AP3B1: variants seen among roughly 807,000 people sequenced by gnomAD.
The protein encoded by AP3B1 is AP-3 complex subunit beta-1.
A neutral mutation model predicts 132.5 loss-of-function variants in AP3B1; 61 were observed. The observed-to-expected ratio is 0.46, with a 90% CI of 0.37 to 0.57. The LOEUF is 0.57. Among genes scored for constraint, AP3B1 ranks in the 20% least tolerant of loss-of-function variants. The pLI is 0.00. For missense variants in AP3B1, 1,120 were observed against 1,289.4 expected, an observed-to-expected ratio of 0.87 and a Z score of 2.01; for synonymous variants, 388 against 438.3, an observed-to-expected ratio of 0.89 and a Z score of 1.43.
chr5:78,097,547 G>A (rs4704482), intron 21 of AP3B1, among the ~76,000 whole-genome samples: 5,079 of 95,556 alleles, frequency 0.053, 483 homozygotes, highest in Non-Finnish European at 0.087. Flanking sequence ...CGCCCCGTCC[G>A]GGAGGGAGGT....
chr5:78,147,928 G>A (rs1753482147), intron 14 of AP3B1, among the ~76,000 whole-genome samples: 1 of 151,996 alleles, frequency 6.6e-6, no homozygotes, highest in African/African-American at 2.4e-5. Flanking sequence ...CAACTACTCA[G>A]AGGCTGAGGC....
intron 22 of AP3B1, among the ~76,000 whole-genome samples, chr5:78,066,689 T>C (rs776569901): frequency 6.6e-6 from 1 of 151,892 alleles, no homozygotes; most frequent in Non-Finnish European, 1.5e-5. Context: ...AACCTATGAA[T>C]GATTGGGGTA....
chr5:78,244,844 A>G (rs529894339), intron 2 of AP3B1, among the ~76,000 whole-genome samples: 1 of 152,102 alleles, frequency 6.6e-6, no homozygotes, highest in South Asian at 2.1e-4. Flanking sequence ...AAAATACAAA[A>G]ATTAGCTGGG....
rs565148932 is a variant in AP3B1, at chr5:78,257,267, A to C, written c.204+10253T>G. Among the ~76,000 whole-genome samples, 4 of 152,320 alleles carry C rather than the reference A, an allele frequency of 2.6e-5. No homozygotes were observed. In the East Asian group the frequency reaches 7.7e-4, roughly 29 times the overall value. ...AGATGATACAATCTTATATTGGGGA[A>C]AACCTAAAGACTCCACCACAAAACT... On this transcript the variant is annotated intron_variant, in intron 2 of 26. Transcript: ENST00000255194.
At chr5:78,076,178 T>TA (rs915957021) in intron 22 of AP3B1, among the ~76,000 whole-genome samples, 1 of 152,182 alleles carries the variant, frequency 6.6e-6, no homozygotes, top group African/African-American at 2.4e-5. Context: ...GCAAAACTGT[T>TA]ACAAAAAGGA....
At chr5:78,247,298 A>G (rs369559286) in intron 2 of AP3B1, among the ~76,000 whole-genome samples, 15 of 148,700 alleles carry the variant, frequency 1.0e-4, no homozygotes, top group East Asian at 5.8e-4. Context: ...ATAGATAATA[A>G]TATAGATAAT....
chr5:78,204,254 T>A (rs1580482071), intron 7 of AP3B1, among the ~76,000 whole-genome samples: 1 of 152,224 alleles, frequency 6.6e-6, no homozygotes, highest in South Asian at 2.1e-4. Flanking sequence ...GGTTTTTGTT[T>A]GTTTGTTTAC....
intron 21 of AP3B1, among the ~76,000 whole-genome samples, chr5:78,099,888 C>T (rs150840807): frequency 7.8e-4 from 118 of 151,492 alleles, no homozygotes; most frequent in African/African-American, 2.5e-3. Context: ...GATTCCGTCT[C>T]GGGGGGCGGG....
chr5:78,294,325 T>A lies in AP3B1; in HGVS notation c.128+127A>T, dbSNP rs1348412579. On this transcript the variant is annotated intron_variant, in intron 1 of 26. Transcript: ENST00000255194. ...CCCACCTACCCACCCGCGGGACACG[T>A]TACCGCCCTGCCCTGCTCAGACCTC... 4 of 1,404,804 alleles carry A rather than the reference T, an allele frequency of 2.8e-6. No individual in the cohort carries two copies. In the East Asian group the frequency reaches 7.1e-5, roughly 25 times the overall value. The allele number at this position is 1,404,804 out of a possible 1,614,324, so 87.0% of individuals were successfully genotyped here.
rs181558953 is a variant in AP3B1, at chr5:78,230,350, C to T, written c.280-2111G>A. Among the ~76,000 whole-genome samples, 617 of 152,254 alleles carry T rather than the reference C, an allele frequency of 4.1e-3. 8 individuals are homozygous for T. Among genetic ancestry groups the T allele is most frequent in the African/African-American group, 0.014 (591 of 41,556 alleles). ...TACAAATGAAAACTTAATGAGCAAA[C>T]AAACTTTGTACATCTTCATCATTGA... On this transcript the variant is annotated intron_variant, in intron 3 of 26. Coordinates refer to ENST00000255194, the MANE Select transcript of AP3B1 (RefSeq NM_003664.5).
intron 1 of AP3B1, among the ~76,000 whole-genome samples, chr5:78,278,535 C>G (rs1318279061): frequency 1.9e-5 from 2 of 106,824 alleles, no homozygotes; most frequent in Non-Finnish European, 3.8e-5. Flanking sequence ...GGAGGCGGAG[C>G]TTGCAGTGAG....
intron 1 of AP3B1, among the ~76,000 whole-genome samples, chr5:78,286,878 C>T (rs185083477): frequency 3.3e-5 from 5 of 152,244 alleles, no homozygotes; most frequent in East Asian, 1.9e-4. Flanking sequence ...CACGAACCAA[C>T]GTTATTCATA....
At chr5:78,204,385 C>T (rs1001143611) in intron 7 of AP3B1, among the ~76,000 whole-genome samples, 2 of 152,180 alleles carry the variant, frequency 1.3e-5, no homozygotes, top group Admixed American at 6.6e-5. Context: ...TAAAAATTTG[C>T]CTTAGCCATC....
At position 78,092,197 on chromosome 5, in the gene AP3B1, A is replaced by AAAAACT. The variant is rs1750548216; in HGVS notation, c.2471-2699_2471-2698insAGTTTT. Among the ~76,000 whole-genome samples, 7 of 152,370 alleles carry AAAAACT rather than the reference A, an allele frequency of 4.6e-5. No homozygotes were observed. In the South Asian group the frequency reaches 1.0e-3, roughly 23 times the overall value. On this transcript the variant is annotated intron_variant, in intron 21 of 26. Transcript: ENST00000255194. ...CATGTAACGAATAAAAAACTGAATAAGAAACAGCCTCTGATTTCAACTGTG... is the reference window on the plus strand; with the variant it reads ...CATGTAACGAATAAAAAACTGAATAAAAAACTGAAACAGCCTCTGATTTCAACTGTG...
intron 7 of AP3B1, among the ~76,000 whole-genome samples, chr5:78,185,845 G>T (rs1003943983): frequency 6.6e-6 from 1 of 152,122 alleles, no homozygotes; most frequent in South Asian, 2.1e-4. Context: ...GCTCCAGCCT[G>T]GGTGACAGAG....
intron 22 of AP3B1, among the ~76,000 whole-genome samples, chr5:78,085,764 C>T (rs773187436): frequency 1.3e-5 from 2 of 152,022 alleles, no homozygotes; most frequent in Non-Finnish European, 2.9e-5. Context: ...CCATGGTGAA[C>T]GTGACATTTC....
intron 17 of AP3B1, among the ~76,000 whole-genome samples, chr5:78,125,857 G>A (rs1204221138): frequency 6.6e-6 from 1 of 152,154 alleles, no homozygotes; most frequent in African/African-American, 2.4e-5. Context: ...CTATAAGGTA[G>A]TTAATGCTTA....
At chr5:78,184,349 C>T (rs925429162) in intron 7 of AP3B1, among the ~76,000 whole-genome samples, 1 of 151,672 alleles carries the variant, frequency 6.6e-6, no homozygotes, top group African/African-American at 2.4e-5. Context: ...CAAGATTTAC[C>T]CAATCTGAAC....
intron 2 of AP3B1, among the ~76,000 whole-genome samples, chr5:78,241,509 G>C (rs1561496684): frequency 6.6e-6 from 1 of 152,178 alleles, no homozygotes; most frequent in African/African-American, 2.4e-5. Flanking sequence ...GGAATTGAGA[G>C]AGGGATGAAT....
Sources: allele counts gnomAD v4.1 joint callset (sites outside exome capture counted in the v4.1 genomes callset), GRCh38; gene constraint gnomAD v4.1.1; transcripts MANE v1.5; gene names NCBI Gene and HGNC (gene_info 2026-07-23, HGNC 2026-07-21).